Variants in HS3ST5 observed in about 807,000 individuals in gnomAD.
HS3ST5 encodes heparan sulfate-glucosamine 3-sulfotransferase 5, also known as heparan sulfate glucosamine 3-O-sulfotransferase 5.
A neutral mutation model predicts 25.4 loss-of-function variants in HS3ST5; 10 were observed. The observed-to-expected ratio is 0.39, with a 90% CI of 0.24 to 0.67. The LOEUF (loss-of-function observed/expected upper bound fraction) is 0.67. Among genes scored for constraint, HS3ST5 ranks in the 30% least tolerant of loss-of-function variants. HS3ST5 has a pLI of 0.44. For synonymous variants in HS3ST5, 170 were observed against 162.4 expected, an observed-to-expected ratio of 1.05 and a Z score of -0.36; for missense variants, 324 against 420.7, an observed-to-expected ratio of 0.77 and a Z score of 2.01.
At chr6:114,078,934 T>A (rs759168474) in intron 3 of HS3ST5, among the ~76,000 whole-genome samples, 2 of 152,238 alleles carry the variant, frequency 1.3e-5, no homozygotes, top group Non-Finnish European at 2.9e-5. Flanking sequence ...TTCCCAAGCA[T>A]ATAAAAGTTA....
chr6:114,152,343 A>G (rs951892896), intron 3 of HS3ST5, among the ~76,000 whole-genome samples: 1 of 152,192 alleles, frequency 6.6e-6, no homozygotes, highest in South Asian at 2.1e-4. Context: ...GTTTCAGTGT[A>G]CACATCTATG....
At chr6:114,215,030 G>A (rs936147877) in intron 2 of HS3ST5, among the ~76,000 whole-genome samples, 12 of 152,164 alleles carry the variant, frequency 7.9e-5, no homozygotes, top group Non-Finnish European at 8.8e-5. Flanking sequence ...TCAGGGCCAG[G>A]CGCGGTGGCT....
intron 2 of HS3ST5, among the ~76,000 whole-genome samples, chr6:114,200,048 C>A (rs1276824027): frequency 6.6e-6 from 1 of 152,090 alleles, no homozygotes; most frequent in Non-Finnish European, 1.5e-5. Flanking sequence ...TAGTGAAACC[C>A]CATCTCTACT....
intron 3 of HS3ST5, chr6:114,143,867 C>T (rs950009657): frequency 2.6e-5 from 4 of 152,536 alleles, no homozygotes; most frequent in Non-Finnish European, 5.9e-5. Context: ...AGCTTTCTTC[C>T]AAAACCAACG....
chr6:114,303,746 T>C lies in HS3ST5; in HGVS notation c.-339+38449A>G, dbSNP rs569525784. On this transcript the variant is annotated intron_variant, in intron 1 of 4. Transcript: ENST00000312719. ...CTTAACTTAAATTCTACTATAACAC[T>C]GTCTACTTAAGATTATTTATGAAAT... is the stretch of plus-strand genomic sequence containing the variant. Among the ~76,000 whole-genome samples the C allele has an allele frequency of 7.2e-3, 1,094 of 152,254 alleles. 8 individuals carry two copies. Among genetic ancestry groups the C allele is most frequent in the Admixed American group, 0.01 (156 of 15,288 alleles).
intron 2 of HS3ST5, among the ~76,000 whole-genome samples, chr6:114,210,092 AAATC>A (rs1420220963): frequency 6.6e-6 from 1 of 152,240 alleles, no homozygotes; most frequent in Non-Finnish European, 1.5e-5. Context: ...ACTCTATTGT[AAATC>A]AACCAGATGA....
Position 114,057,340 on chromosome 6 carries a change from C to A in HS3ST5, c.958G>T (p.Val320Phe). 1 of 1,614,104 alleles carries A rather than the reference C, an allele frequency of 6.2e-7. No homozygotes were observed. Among genetic ancestry groups the A allele is most frequent in the South Asian group, 1.1e-5 (1 of 91,076 alleles). ...GRIHPEVDPS[V>F]ITKLRKFFHP... ...AAGAATTTGCGCAATTTAGTAATGA[C>A]AGAGGGGTCCACCTCTGGATGAATG... The change falls in exon 5 of 5, where the codon GTC (valine) becomes TTC (phenylalanine). Residue 320 changes from valine (V) to phenylalanine (F), a missense_variant. Physicochemically the swap from Val to Phe is conservative, Grantham distance 50. Coordinates refer to ENST00000312719, the MANE Select transcript of HS3ST5 (RefSeq NM_153612.4).
intron 2 of HS3ST5, among the ~76,000 whole-genome samples, chr6:114,209,309 G>A (rs1781409458): frequency 6.6e-6 from 1 of 151,442 alleles, no homozygotes; most frequent in Non-Finnish European, 1.5e-5. Context: ...TTTAAAAAAT[G>A]TGCATTTTGA....
intron 1 of HS3ST5, among the ~76,000 whole-genome samples, chr6:114,273,471 G>A (rs1387414752): frequency 6.6e-6 from 1 of 151,966 alleles, no homozygotes; most frequent in East Asian, 1.9e-4. Flanking sequence ...GGTATTTAAG[G>A]CCATAAGACT....
chr6:114,304,853 CT>C, intron 1 of HS3ST5, among the ~76,000 whole-genome samples: 1 of 152,166 alleles, frequency 6.6e-6, no homozygotes, highest in Middle Eastern at 3.4e-3. Context: ...AGTAGTCAAT[CT>C]TTTGCAAGAT....
intron 4 of HS3ST5, among the ~76,000 whole-genome samples, chr6:114,059,959 A>G (rs2114699332): frequency 1.3e-5 from 2 of 152,292 alleles, no homozygotes; most frequent in Admixed American, 6.5e-5. Context: ...TTTCTTTTTT[A>G]TGATTTTTAA....
intron 2 of HS3ST5, among the ~76,000 whole-genome samples, chr6:114,188,794 G>C (rs950866397): frequency 2.8e-4 from 43 of 152,190 alleles, no homozygotes; most frequent in African/African-American, 1.0e-3. Flanking sequence ...GGTCAGTAGT[G>C]ATTATTATAA....
rs1167701614 is a variant in HS3ST5, at chr6:114,174,352, G to A, written c.-144-5890C>T. 2.0e-5 allele frequency among the ~76,000 whole-genome samples: 3 copies of A among 151,928 alleles called. No homozygotes were observed. In the East Asian group the frequency reaches 5.8e-4, roughly 29 times the overall value. On this transcript the variant is annotated intron_variant, in intron 2 of 4. Coordinates refer to ENST00000312719, the MANE Select transcript of HS3ST5 (RefSeq NM_153612.4). ...AGAGTGATGCAATTATCTCTTTACT[G>A]GCCTGTACCCCCACCAGAGTGTAAG...
intron 3 of HS3ST5, among the ~76,000 whole-genome samples, chr6:114,095,881 C>T (rs1452926108): frequency 3.3e-5 from 5 of 152,208 alleles, no homozygotes; most frequent in East Asian, 1.9e-4. Flanking sequence ...TCTCTGGATA[C>T]GTCTCCTGTC....
chr6:114,123,733 A>T (rs1468369979), intron 3 of HS3ST5, among the ~76,000 whole-genome samples: 3 of 152,196 alleles, frequency 2.0e-5, no homozygotes, highest in Non-Finnish European at 4.4e-5. Flanking sequence ...ATCTTTGGCT[A>T]ACATGTACTC....
intron 1 of HS3ST5, among the ~76,000 whole-genome samples, chr6:114,257,818 C>T (rs1253471577): frequency 6.6e-6 from 1 of 152,066 alleles, no homozygotes; most frequent in Admixed American, 6.6e-5. Context: ...CTCACTGTGG[C>T]CTCAAGCTCC....
At chr6:114,194,385 T>C (rs1357838941) in intron 2 of HS3ST5, among the ~76,000 whole-genome samples, 1 of 152,194 alleles carries the variant, frequency 6.6e-6, no homozygotes, top group Non-Finnish European at 1.5e-5. Flanking sequence ...ACTGAGTTCC[T>C]GGCCATGACA....
intron 3 of HS3ST5, among the ~76,000 whole-genome samples, chr6:114,147,598 T>C (rs1039236296): frequency 1.3e-5 from 2 of 152,072 alleles, no homozygotes; most frequent in African/African-American, 2.4e-5. Context: ...GTGGCGGAGA[T>C]GTTTTGGAGT....
intron 3 of HS3ST5, among the ~76,000 whole-genome samples, chr6:114,119,167 A>C (rs1373747525): frequency 1.3e-5 from 2 of 152,182 alleles, no homozygotes; most frequent in Non-Finnish European, 1.5e-5. Flanking sequence ...CACAAACCTA[A>C]AGGGAAAAGT....
Sources: allele counts gnomAD v4.1 joint callset (sites outside exome capture counted in the v4.1 genomes callset), GRCh38; gene constraint gnomAD v4.1.1; transcripts MANE v1.5; gene names NCBI Gene and HGNC (gene_info 2026-07-23, HGNC 2026-07-21).